The following VAV3 variants were observed in gnomAD, a reference collection of about 807,000 sequenced individuals.
VAV3 encodes vav guanine nucleotide exchange factor 3, also known as guanine nucleotide exchange factor VAV3.
VAV3 carries 94 observed loss-of-function variants against 131.2 expected under a neutral mutation model. The ratio of observed to expected loss-of-function variants is 0.72; its 90% CI spans 0.61 to 0.85. VAV3 has a LOEUF of 0.85. Among genes scored for constraint, VAV3 ranks in the 40% least tolerant of loss-of-function variants. The pLI, the probability that VAV3 is intolerant of heterozygous loss-of-function variation, is 0.00. For synonymous variants in VAV3, 349 were observed against 342.0 expected (o/e 1.02, Z -0.22); for missense variants, 939 against 1,002.7 (o/e 0.94, Z 0.86).
At chr1:107,620,872 A>G (rs1027053198) in intron 20 of VAV3, among the ~76,000 whole-genome samples, 4 of 152,146 alleles carry the variant, frequency 2.6e-5, no homozygotes, top group Non-Finnish European at 5.9e-5. Context: ...GTTCCACACA[A>G]AAGACATAAA....
chr1:107,597,764 C>G (rs755253178), intron 24 of VAV3, among the ~76,000 whole-genome samples: 1 of 152,160 alleles, frequency 6.6e-6, no homozygotes, highest in Non-Finnish European at 1.5e-5. Flanking sequence ...TTTTCAATCT[C>G]ACCTATAAAA....
At chr1:107,645,821 G>T (rs1217823392) in intron 19 of VAV3, among the ~76,000 whole-genome samples, 1 of 151,934 alleles carries the variant, frequency 6.6e-6, no homozygotes, top group Admixed American at 6.6e-5. Context: ...TTTAATATAG[G>T]TTTTCTTCTC....
At position 107,902,431 on chromosome 1, in the gene VAV3, T is replaced by C. The variant is rs369826971; in HGVS notation, c.205-27414A>G. On this transcript the variant is annotated intron_variant, in intron 1 of 26. Transcript: ENST00000370056. ...GATGATTGCTTTGTAAGCAATTATATAATGTTTCACATTCTGGAAGAATAA... is the reference window on the plus strand; with the variant it reads ...GATGATTGCTTTGTAAGCAATTATACAATGTTTCACATTCTGGAAGAATAA... Among the ~76,000 whole-genome samples, 8 of 152,354 alleles carry C rather than the reference T, an allele frequency of 5.3e-5. No individual in the cohort carries two copies. In the East Asian group the frequency reaches 1.4e-3, roughly 26 times the overall value.
At chr1:107,652,877 T>C (rs2101581827) in intron 19 of VAV3, among the ~76,000 whole-genome samples, 1 of 152,290 alleles carries the variant, frequency 6.6e-6, no homozygotes, top group South Asian at 2.1e-4. Flanking sequence ...GCTAATATAT[T>C]CCTTAAAGGT....
intron 2 of VAV3, chr1:107,821,016 C>T (rs919146643): frequency 6.6e-6 from 1 of 152,084 alleles, no homozygotes; most frequent in African/African-American, 2.4e-5. Flanking sequence ...TTGAGAGGTA[C>T]CTCTGACTCA....
intron 2 of VAV3, among the ~76,000 whole-genome samples, chr1:107,797,613 T>C (rs1345072066): frequency 1.3e-5 from 2 of 152,168 alleles, no homozygotes; most frequent in Non-Finnish European, 2.9e-5. Flanking sequence ...TAGTTATTAA[T>C]GGGTTATGTA....
At position 107,753,521 on chromosome 1, in the gene VAV3, T is replaced by TACACAC. The variant is rs551521573; in HGVS notation, c.1173+1905_1173+1906insGTGTGT. 5.9e-3 allele frequency among the ~76,000 whole-genome samples: 528 copies of TACACAC among 90,104 alleles called. 24 individuals are homozygous for TACACAC. Among genetic ancestry groups the TACACAC allele is most frequent in the African/African-American group, 9.6e-3 (243 of 25,374 alleles). 59.1% of individuals were successfully genotyped at this position (90,104 alleles called of 152,430 possible). A position where few individuals can be genotyped will look rare whatever the true frequency, so the allele number is the denominator to read the frequency against. On this transcript the variant is annotated intron_variant, in intron 12 of 26. Coordinates refer to ENST00000370056, the MANE Select transcript of VAV3 (RefSeq NM_006113.5). ...ACACATATATATACACACATATATA[T>TACACAC]ATATACGTATATATATATATATATA...
intron 25 of VAV3, among the ~76,000 whole-genome samples, chr1:107,585,701 C>T (rs1650427080): frequency 6.6e-6 from 1 of 152,142 alleles, no homozygotes; most frequent in Non-Finnish European, 1.5e-5. Context: ...TGGATCCACA[C>T]CACTAGTGCC....
intron 1 of VAV3, among the ~76,000 whole-genome samples, chr1:107,922,466 A>AAT (rs1378511656): frequency 6.6e-6 from 1 of 152,186 alleles, no homozygotes. Context: ...GTTTTATATG[A>AAT]ATATATATCT....
At chr1:107,608,443 T>A (rs1334140923) in intron 22 of VAV3, among the ~76,000 whole-genome samples, 1 of 152,250 alleles carries the variant, frequency 6.6e-6, no homozygotes, top group African/African-American at 2.4e-5. Flanking sequence ...ATCAATGCTA[T>A]CAGCTCTAGA....
intron 19 of VAV3, among the ~76,000 whole-genome samples, chr1:107,673,035 C>A (rs142084966): frequency 6.6e-6 from 1 of 152,170 alleles, no homozygotes; most frequent in East Asian, 1.9e-4. Flanking sequence ...ACCTCTATGA[C>A]GCCATTGTTA....
intron 8 of VAV3, 126 bp downstream of exon 8, chr1:107,766,321 C>G: frequency 1.6e-6 from 1 of 619,142 alleles, no homozygotes; most frequent in Admixed American, 3.1e-5. Context: ...AATTGTCCCA[C>G]GTTCTAATTA....
intron 20 of VAV3, among the ~76,000 whole-genome samples, chr1:107,624,416 A>G (rs1037166730): frequency 3.7e-5 from 5 of 135,990 alleles, no homozygotes; most frequent in South Asian, 2.4e-4. Flanking sequence ...GTGTGTGTGA[A>G]AGAAACAAGA....
intron 25 of VAV3, among the ~76,000 whole-genome samples, chr1:107,582,412 T>C (rs374329556): frequency 1.3e-5 from 2 of 152,240 alleles, no homozygotes; most frequent in East Asian, 1.9e-4. Flanking sequence ...ATTGTATATA[T>C]ATATTTTTTA....
chr1:107,647,435 G>C (rs999700368), intron 19 of VAV3, among the ~76,000 whole-genome samples: 5 of 151,874 alleles, frequency 3.3e-5, no homozygotes, highest in Admixed American at 2.6e-4. Context: ...GGGCATGGCA[G>C]TTTCAGAAGA....
rs1309764152 is a variant in VAV3, at chr1:107,841,822, G to GA, written c.321+33078dup. Reference sequence around the variant, plus strand: ...TACAAACTGGGTTTGGAAGAATAAGGAAAAAAAACAGAAAATATCTCATTA... The same window carrying GA: ...TACAAACTGGGTTTGGAAGAATAAGGAAAAAAAAACAGAAAATATCTCATTA... On this transcript the variant is annotated intron_variant, in intron 2 of 26. Coordinates refer to ENST00000370056, the MANE Select transcript of VAV3 (RefSeq NM_006113.5). Among the ~76,000 whole-genome samples the GA allele has an allele frequency of 6.0e-5, 9 of 151,000 alleles. No individual in the cohort carries two copies. In the East Asian group the frequency reaches 9.7e-4, roughly 16 times the overall value.
intron 25 of VAV3, among the ~76,000 whole-genome samples, chr1:107,590,878 T>C (rs1260230511): frequency 2.0e-5 from 3 of 152,178 alleles, no homozygotes; most frequent in African/African-American, 7.2e-5. Flanking sequence ...CTAACTCATC[T>C]TCCCTCTGTG....
intron 21 of VAV3, among the ~76,000 whole-genome samples, chr1:107,614,029 T>A (rs1271745200): frequency 1.3e-5 from 2 of 152,030 alleles, no homozygotes; most frequent in African/African-American, 4.8e-5. Flanking sequence ...GATTAGAAAT[T>A]CTCAGGGGAT....
At position 107,770,783 on chromosome 1, in the gene VAV3, T is replaced by C. The variant is rs941116105; in HGVS notation, c.556-55A>G. 7.7e-6 allele frequency: 11 copies of C among 1,422,456 alleles called. No homozygotes were observed. In the East Asian group the frequency reaches 2.5e-4, roughly 33 times the overall value. 88.1% of individuals were successfully genotyped at this position (1,422,456 alleles called of 1,614,324 possible). ...TTTAATAAAATCATATATTAACCTA[T>C]CGGGAAGTAGAGATCAAAAGCATTG... On this transcript the variant is annotated intron_variant, in intron 5 of 26. Transcript: ENST00000370056.
Sources: allele counts gnomAD v4.1 joint callset (sites outside exome capture counted in the v4.1 genomes callset), GRCh38; gene constraint gnomAD v4.1.1; transcripts MANE v1.5; gene names NCBI Gene and HGNC (gene_info 2026-07-23, HGNC 2026-07-21).